CREB3: variants seen among roughly 807,000 people sequenced by gnomAD.
CREB3 encodes the protein cAMP responsive element binding protein 3, also known as cyclic AMP-responsive element-binding protein 3.
Under a neutral mutation model 34.5 loss-of-function variants are expected in CREB3, and 29 were observed. That is an observed-to-expected ratio of 0.84 (90% CI 0.63 to 1.15). The LOEUF (loss-of-function observed/expected upper bound fraction) is 1.15. Among genes scored for constraint, CREB3 ranks in the 50% most tolerant of loss-of-function variants. CREB3 has a pLI of 0.00. For missense variants in CREB3, 447 were observed against 443.4 expected (o/e 1.01, Z -0.07); for synonymous variants, 187 against 173.9 (o/e 1.08, Z -0.59).
intron 6 of CREB3, among the ~76,000 whole-genome samples, 162 bp downstream of exon 6, chr9:35,735,536 G>A (rs1252133360): frequency 2.0e-5 from 3 of 152,210 alleles, no homozygotes; most frequent in African/African-American, 7.2e-5. Flanking sequence ...AAGTAACTAA[G>A]AATAAGTTAA....
In CREB3 at chr9:35,733,497, A is replaced by C; in HGVS notation, c.435+12A>C. The C allele has an allele frequency of 1.3e-5, 20 of 1,594,880 alleles. No individual in the cohort carries two copies. Among genetic ancestry groups the C allele is most frequent in the Non-Finnish European group, 1.6e-5 (19 of 1,162,612 alleles). ...TTCCTCTCACTAAGGTAAGACTCTC[A>C]TTGGTTGAACAAAGGCTGAAAAGGG... On this transcript the variant is annotated intron_variant, in intron 4 of 8. Transcript: ENST00000353704.
chr9:35,736,181 AG>A (rs746427305), intron 7 of CREB3, 45 bp from the exon 8 acceptor site: 1 of 1,612,496 alleles, frequency 6.2e-7, no homozygotes, highest in Admixed American at 1.7e-5. Context: ...TGGTGGGGAC[AG>A]GGCAATCCAG....
Position 35,736,815 on chromosome 9 carries a change from A to C in CREB3, c.*89A>C, listed in dbSNP as rs1255773118. On this transcript the variant is annotated 3_prime_UTR_variant, in exon 9 of 9. Transcript: ENST00000353704. ...AAAGCGGTGGGCAAGGGCTGGCCGC[A>C]GCTCCTGTGCCCTGTCAGGACGACT... The C allele has an allele frequency of 2.4e-6, 3 of 1,236,930 alleles. No homozygotes were observed. In the African/African-American group the frequency reaches 4.5e-5, roughly 18 times the overall value. 76.6% of individuals were successfully genotyped at this position (1,236,930 alleles called of 1,614,324 possible). A position where few individuals can be genotyped will look rare whatever the true frequency, so the allele number is the denominator to read the frequency against.
Position 35,735,321 on chromosome 9 carries a change from A to G in CREB3, c.558A>G (p.Thr186=). ...GGLESRVLKY[T]AQNMELQNKV... ...TTTCCCCCAGGGTCTTGAAATACAC[A>G]GCCCAGAATATGGAGCTTCAGAACA... Residue 186 remains threonine (T), a synonymous_variant, in exon 6 of 9, where the codon ACA becomes ACG. Coordinates refer to ENST00000353704, the MANE Select transcript of CREB3 (RefSeq NM_006368.5). The G allele has an allele frequency of 6.2e-7, 1 of 1,614,202 alleles. No homozygotes were observed. The highest frequency in any genetic ancestry group is 1.1e-5 in the South Asian group (1 of 91,090).
At position 35,733,403 on chromosome 9, in the gene CREB3, C is replaced by G. The variant is rs1826130652; in HGVS notation, c.353C>G (p.Ala118Gly). 1.9e-6 allele frequency: 3 copies of G among 1,613,622 alleles called. No individual in the cohort carries two copies. The highest frequency in any genetic ancestry group is 1.1e-5 in the South Asian group (1 of 91,066). Residue 118 changes from alanine to glycine, a missense_variant, in exon 4 of 9, where the codon GCT becomes GGT. Ala to Gly is a moderately conservative substitution (Grantham distance 60). Transcript: ENST00000353704. ...HMEELAEQEI[A>G]RLVLTDEEKS... ...ACTTTCTTGTTACCCTAGGAGATTG[C>G]TAGGCTAGTACTGACAGATGAGGAG...
chr9:35,736,135 G>A lies in CREB3; in HGVS notation c.696+3G>A. On this transcript the variant is annotated splice_donor_region_variant and intron_variant, in intron 7 of 8. Transcript: ENST00000353704. Reference sequence around the variant, plus strand: ...GCAGCAGCAGCACCTGCATCTTGGTGAGGATGGTGATGAGGGGAGAAATCC... The same window carrying A: ...GCAGCAGCAGCACCTGCATCTTGGTAAGGATGGTGATGAGGGGAGAAATCC... 6.2e-7 allele frequency: 1 copy of A among 1,613,958 alleles called. No homozygotes were observed. Among genetic ancestry groups the A allele is most frequent in the South Asian group, 1.1e-5 (1 of 91,078 alleles).
Position 35,733,448 on chromosome 9 carries a change from A to T in CREB3, c.398A>T (p.Glu133Val). The change falls in exon 4 of 9, where the codon GAG becomes GTG. Residue 133 changes from glutamate (E) to valine (V), a missense_variant. Coordinates refer to ENST00000353704, the MANE Select transcript of CREB3 (RefSeq NM_006368.5). ...TDEEKSLLEK[E>V]GLILPETLPL... The stretch of plus-strand genomic sequence containing the variant: ...GAGGAGAAGAGTCTATTGGAGAAGG[A>T]GGGGCTTATTCTGCCTGAGACACTT... 1 of 1,613,734 alleles carries T rather than the reference A, an allele frequency of 6.2e-7. No homozygotes were observed. The highest frequency in any genetic ancestry group is 8.5e-7 in the Non-Finnish European group (1 of 1,179,650).
At position 35,736,276 on chromosome 9, in the gene CREB3, C is replaced by T; in HGVS notation, c.746C>T (p.Ser249Phe). 2 of 1,614,154 alleles carry T rather than the reference C, an allele frequency of 1.2e-6. No homozygotes were observed. The highest frequency in any genetic ancestry group is 1.7e-6 in the Non-Finnish European group (2 of 1,180,012). Reference protein sequence around the residue: ...CLLLVPAMYSSDTRGSLPAEH... With the variant: ...CLLLVPAMYSFDTRGSLPAEH... ...CTCCTTGTACCTGCTATGTACTCCT[C>T]TGACACAAGGGGGAGCCTGCCAGCT... Residue 249 changes from serine (S) to phenylalanine (F), a missense_variant, in exon 8 of 9, where the codon TCT becomes TTT. Ser to Phe is a radical substitution (Grantham distance 155). Transcript: ENST00000353704.
rs760129046 is a variant in CREB3 at position 35,736,147 on chromosome 9, G to A, written c.696+15G>A. On this transcript the variant is annotated intron_variant, in intron 7 of 8. Coordinates refer to ENST00000353704, the MANE Select transcript of CREB3 (RefSeq NM_006368.5). ...CCTGCATCTTGGTGAGGATGGTGAT[G>A]AGGGGAGAAATCCTTTTCTCAGTTG... 2.4e-5 allele frequency: 38 copies of A among 1,613,274 alleles called. No individual in the cohort carries two copies. The highest frequency in any genetic ancestry group is 3.2e-5 in the Non-Finnish European group (38 of 1,179,202).
chr9:35,736,522 C>T lies in CREB3; in HGVS notation c.912C>T (p.Ala304=), dbSNP rs1380236426. ...WLDGSDCVLQ[A]PGNTSCLLHY... is the part of the protein sequence containing the mutation. ...ACGGCTCAGACTGTGTACTCCAGGC[C>T]CCTGGCAACACTTCCTGCCTGCTGC... Residue 304 remains alanine (A), a synonymous_variant, in exon 9 of 9, where the codon GCC becomes GCT. Coordinates refer to ENST00000353704, the MANE Select transcript of CREB3 (RefSeq NM_006368.5). 6.2e-7 allele frequency: 1 copy of T among 1,614,146 alleles called. No individual in the cohort carries two copies. Among genetic ancestry groups the T allele is most frequent in the African/African-American group, 1.3e-5 (1 of 75,016 alleles).
At position 35,736,442 on chromosome 9, in the gene CREB3, G is replaced by A; in HGVS notation, c.832G>A (p.Glu278Lys). Residue 278 changes from glutamate (E) to lysine (K), a missense_variant, in exon 9 of 9, where the codon GAG becomes AAG. Coordinates refer to ENST00000353704, the MANE Select transcript of CREB3 (RefSeq NM_006368.5). ...ALPSEDPYQL[E>K]LPALQSEVPK... ...CCCCAGTGAGGACCCTTACCAGCTG[G>A]AGCTGCCTGCCCTGCAGTCAGAAGT... The A allele has an allele frequency of 6.2e-7, 1 of 1,614,104 alleles. No homozygotes were observed. The highest frequency in any genetic ancestry group is 8.5e-7 in the Non-Finnish European group (1 of 1,180,040).
At chr9:35,733,360 C>G (rs1162316701) in intron 3 of CREB3, 36 bp from the exon 4 acceptor site, 54 of 1,608,520 alleles carry the variant, frequency 3.4e-5, no homozygotes, top group Non-Finnish European at 4.4e-5. Context: ...CTCTGACATC[C>G]CCATGCAACT....
Position 35,733,393 on chromosome 9 carries a change from T to C in CREB3, c.346-3T>C. 6.2e-7 allele frequency: 1 copy of C among 1,613,326 alleles called. No individual in the cohort carries two copies. Among genetic ancestry groups the C allele is most frequent in the African/African-American group, 1.3e-5 (1 of 75,010 alleles). On this transcript the variant is annotated splice_region_variant and splice_polypyrimidine_tract_variant and intron_variant, in intron 3 of 8. Coordinates refer to ENST00000353704, the MANE Select transcript of CREB3 (RefSeq NM_006368.5). Reference sequence around the variant, plus strand: ...ACTGCCGTCCACTTTCTTGTTACCCTAGGAGATTGCTAGGCTAGTACTGAC... The same window carrying C: ...ACTGCCGTCCACTTTCTTGTTACCCCAGGAGATTGCTAGGCTAGTACTGAC...
Position 35,735,386 on chromosome 9 carries a change from TCCAAA to T in CREB3, c.611+16_611+20del, listed in dbSNP as rs758482409. ...GAGGAACAGAATTTGTAAGTATCCC[TCCAAA>T]CCATTCCCTTCCTATGCCCCTCATT... is the stretch of plus-strand genomic sequence containing the variant. On this transcript the variant is annotated intron_variant, in intron 6 of 8. Coordinates refer to ENST00000353704, the MANE Select transcript of CREB3 (RefSeq NM_006368.5). 5 of 1,606,040 alleles carry T rather than the reference TCCAAA, an allele frequency of 3.1e-6. No individual in the cohort carries two copies. The South Asian group carries it at 5.5e-5, about 18-fold the overall frequency.
Position 35,733,155 on chromosome 9 carries a change from AT to A in CREB3, c.277+13del. ...CTCTATGGATCTAGGTGAGTCTGAAATAAGTTTGCGGGGAGGACAGGGTTCA... is the reference window on the plus strand; with the variant it reads ...CTCTATGGATCTAGGTGAGTCTGAAAAAGTTTGCGGGGAGGACAGGGTTCA... On this transcript the variant is annotated intron_variant, in intron 2 of 8. Coordinates refer to ENST00000353704, the MANE Select transcript of CREB3 (RefSeq NM_006368.5). 1 of 1,614,174 alleles carries A rather than the reference AT, an allele frequency of 6.2e-7. No homozygotes were observed. The highest frequency in any genetic ancestry group is 8.5e-7 in the Non-Finnish European group (1 of 1,180,032).
rs1424716044 is a variant in CREB3 at position 35,733,196 on chromosome 9, C to G, written c.278-19C>G. On this transcript the variant is annotated intron_variant, in intron 2 of 8. Transcript: ENST00000353704. ...GACAGGGTTCATGGGCCTGGCTATT[C>G]ATACTTTCCCTTTTGCAGAGAGTGA... 6.2e-7 allele frequency: 1 copy of G among 1,614,214 alleles called. No homozygotes were observed. The highest frequency in any genetic ancestry group is 1.7e-5 in the Admixed American group (1 of 60,028).
At position 35,736,233 on chromosome 9, in the gene CREB3, C is replaced by G. The variant is rs1470448303; in HGVS notation, c.703C>G (p.Leu235Val). Residue 235 changes from leucine to valine, a missense_variant, in exon 8 of 9, where the codon CTA becomes GTA. By Grantham distance (32) the Leu-to-Val change is conservative. Transcript: ENST00000353704. The stretch of plus-strand genomic sequence containing the variant: ...CCTTTTTCCTGTGCTCTAGGTCCTA[C>G]TAGTCTCCTTCTGCCTCCTCCTTGT... ...SSSSTCILVL[L>V]VSFCLLLVPA... 29 of 1,614,140 alleles carry G rather than the reference C, an allele frequency of 1.8e-5. No individual in the cohort carries two copies. The highest frequency in any genetic ancestry group is 2.5e-5 in the Non-Finnish European group (29 of 1,180,006).
intron 6 of CREB3, among the ~76,000 whole-genome samples, chr9:35,735,733 T>C (rs1014047862): frequency 6.6e-6 from 1 of 152,098 alleles, no homozygotes; most frequent in Admixed American, 6.5e-5. Flanking sequence ...GTAGAGAACA[T>C]AGAAAATGCC....
intron 4 of CREB3, among the ~76,000 whole-genome samples, chr9:35,734,905 GT>G (rs973643433): frequency 1.3e-4 from 19 of 150,372 alleles, no homozygotes; most frequent in African/African-American, 2.2e-4. Flanking sequence ...TGCCCGACCA[GT>G]TTTTTTTTTA....
Sources: allele counts gnomAD v4.1 joint callset (sites outside exome capture counted in the v4.1 genomes callset), GRCh38; gene constraint gnomAD v4.1.1; transcripts MANE v1.5; gene names NCBI Gene and HGNC (gene_info 2026-07-23, HGNC 2026-07-21).